The following CC2D2B variants were observed in gnomAD, a reference collection of about 807,000 sequenced individuals.
CC2D2B encodes coiled-coil and C2 domain containing 2B.
CC2D2B carries 128 observed loss-of-function variants against 161.2 expected under a neutral mutation model. The ratio of observed to expected loss-of-function variants is 0.79; its 90% CI spans 0.69 to 0.92. The LOEUF is 0.92. Ranked by LOEUF, CC2D2B falls within the 40% of genes least tolerant of loss-of-function variation. CC2D2B has a pLI of 0.00. For synonymous variants in CC2D2B, 391 were observed against 449.8 expected, an observed-to-expected ratio of 0.87 and a Z score of 1.65; for missense variants, 1,173 against 1,375.1, an observed-to-expected ratio of 0.85 and a Z score of 2.32.
upstream of CC2D2B, chr10:95,907,786 G>C (rs960921927): frequency 6.6e-6 from 1 of 152,566 alleles, no homozygotes; most frequent in East Asian, 1.9e-4. Flanking sequence ...ACACGCTCAC[G>C]GGCAGAGGCG....
At position 95,938,712 on chromosome 10, in the gene CC2D2B, G is replaced by T. The variant is rs1320092511; in HGVS notation, c.672+7G>T. 5.6e-6 allele frequency: 4 copies of T among 708,812 alleles called. No individual in the cohort carries two copies. In the East Asian group the frequency reaches 8.1e-5, roughly 14 times the overall value. The allele number at this position is 708,812 out of a possible 1,614,324, so 43.9% of individuals were successfully genotyped here. On this transcript the variant is annotated splice_region_variant and intron_variant, in intron 8 of 34. Coordinates refer to ENST00000646931, the MANE Select transcript of CC2D2B (RefSeq NM_001349008.3). ...CCTGCTTAAACTAGAAGAGGCAAGT[G>T]CACCACCTAACAAGTTAAAACACTG...
rs2141643314 is a variant in CC2D2B at position 95,988,321 on chromosome 10, T to C, written c.2358T>C (p.Asn786=). 1 of 1,226,798 alleles carries C rather than the reference T, an allele frequency of 8.2e-7. No homozygotes were observed. Among genetic ancestry groups the C allele is most frequent in the East Asian group, 3.2e-5 (1 of 31,608 alleles). 76.0% of individuals were successfully genotyped at this position (1,226,798 alleles called of 1,614,324 possible). A position where few individuals can be genotyped will look rare whatever the true frequency, so the allele number is the denominator to read the frequency against. ...ATTCTATTACAGCACAAAGGATTAA[T>C]TCTGCCAATTTTCTGAAAAAGGTAA... ...DVNSITAQRI[N]SANFLKKVRR... is the part of the protein sequence containing the mutation. Residue 786 remains asparagine, a synonymous_variant, in exon 20 of 35, where the codon AAT becomes AAC. Transcript: ENST00000646931.
rs948602178 is a variant in CC2D2B, at chr10:95,938,146, A to T, written c.492A>T (p.Ile164=). 6.5e-7 allele frequency: 1 copy of T among 1,550,112 alleles called. No individual in the cohort carries two copies. The highest frequency in any genetic ancestry group is 8.7e-7 in the Non-Finnish European group (1 of 1,145,830). ...ACTATGAAGATGATCAAGAACAAAT[A>T]AAAAAACAGAAGGCAAATATTTTTG... ...AADYEDDQEQ[I]KKQKANIFVP... The change falls in exon 7 of 35, where the codon ATA becomes ATT. Residue 164 remains isoleucine, a synonymous_variant. Coordinates refer to ENST00000646931, the MANE Select transcript of CC2D2B (RefSeq NM_001349008.3).
At chr10:95,993,942 G>GTATATATA (rs1159212300) in intron 22 of CC2D2B, among the ~76,000 whole-genome samples, 2 of 25,382 alleles carry the variant, frequency 7.9e-5, no homozygotes, top group African/African-American at 1.0e-4. Flanking sequence ...GTGTGTGTGT[G>GTATATATA]TATGTATGTG....
chr10:95,942,898 T>A (rs1564604548), intron 9 of CC2D2B, among the ~76,000 whole-genome samples: 1 of 152,168 alleles, frequency 6.6e-6, no homozygotes, highest in Non-Finnish European at 1.5e-5. Context: ...ATAAAAAGGC[T>A]CAGTTCAAAT....
At chr10:95,938,343 C>A in intron 7 of CC2D2B, 154 bp downstream of exon 7, 1 of 626,046 alleles carries the variant, frequency 1.6e-6, no homozygotes, top group Non-Finnish European at 2.8e-6. Context: ...ATTAAGGGAA[C>A]TGATTAAGAG....
intron 11 of CC2D2B, among the ~76,000 whole-genome samples, 171 bp downstream of exon 11, chr10:95,955,662 CA>C (rs1411997482): frequency 1.3e-5 from 2 of 152,090 alleles, no homozygotes; most frequent in African/African-American, 4.8e-5. Flanking sequence ...AAATATTTCA[CA>C]GGGGTGCCAT....
chr10:95,983,825 T>C lies in CC2D2B; in HGVS notation c.2286+16T>C, dbSNP rs1340245968. 3 of 1,096,380 alleles carry C rather than the reference T, an allele frequency of 2.7e-6. No individual in the cohort carries two copies. The East Asian group carries it at 9.7e-5, about 35-fold the overall frequency. The allele number at this position is 1,096,380 out of a possible 1,614,324, so 67.9% of individuals were successfully genotyped here. A position where few individuals can be genotyped will look rare whatever the true frequency, so the allele number is the denominator to read the frequency against. On this transcript the variant is annotated intron_variant, in intron 19 of 34. Coordinates refer to ENST00000646931, the MANE Select transcript of CC2D2B (RefSeq NM_001349008.3). Reference sequence around the variant, plus strand: ...AGTCTTCCAGGTATTTGGTTTCTATTTGAATATGGCTTATTGTATGATAAA... The same window carrying C: ...AGTCTTCCAGGTATTTGGTTTCTATCTGAATATGGCTTATTGTATGATAAA...
intron 30 of CC2D2B, among the ~76,000 whole-genome samples, chr10:96,016,790 G>C (rs565765556): frequency 6.6e-6 from 1 of 152,088 alleles, no homozygotes; most frequent in African/African-American, 2.4e-5. Context: ...GCGTGATCTC[G>C]CCTCACTACA....
intron 9 of CC2D2B, among the ~76,000 whole-genome samples, chr10:95,945,392 T>A (rs962374479): frequency 1.3e-5 from 2 of 152,202 alleles, no homozygotes; most frequent in African/African-American, 4.8e-5. Flanking sequence ...GTAGATATAA[T>A]AGTTGTATGC....
Position 95,996,135 on chromosome 10 carries a change from T to C in CC2D2B, c.2740-8T>C. ...CAAAATCTAGTCAATGTTTATTATGTGTTTCAGGATACTGTACATCCATTC... is the reference window on the plus strand; with the variant it reads ...CAAAATCTAGTCAATGTTTATTATGCGTTTCAGGATACTGTACATCCATTC... On this transcript the variant is annotated splice_region_variant and splice_polypyrimidine_tract_variant and intron_variant, in intron 23 of 34. Coordinates refer to ENST00000646931, the MANE Select transcript of CC2D2B (RefSeq NM_001349008.3). The C allele has an allele frequency of 1.5e-6, 2 of 1,313,552 alleles. No individual in the cohort carries two copies. Among genetic ancestry groups the C allele is most frequent in the Non-Finnish European group, 2.1e-6 (2 of 963,802 alleles). 81.4% of individuals were successfully genotyped at this position (1,313,552 alleles called of 1,614,324 possible).
intron 7 of CC2D2B, 179 bp from the exon 8 acceptor site, chr10:95,938,390 C>A (rs2075902261): frequency 1.2e-5 from 7 of 608,008 alleles, no homozygotes; most frequent in South Asian, 2.2e-5. Flanking sequence ...CATATATAGG[C>A]ATATGTATTT....
At chr10:95,990,880 C>A (rs2141662968) in intron 20 of CC2D2B, among the ~76,000 whole-genome samples, 2 of 152,278 alleles carry the variant, frequency 1.3e-5, no homozygotes, top group Admixed American at 1.3e-4. Context: ...TGGCTTCCTT[C>A]AAGCACTGAC....
intron 17 of CC2D2B, among the ~76,000 whole-genome samples, chr10:95,975,983 G>C (rs1021132524): frequency 1.3e-5 from 2 of 152,140 alleles, no homozygotes; most frequent in African/African-American, 4.8e-5. Context: ...CTTGGAGTGA[G>C]ATGTTTGTCC....
chr10:95,995,633 C>T (rs772269215), intron 23 of CC2D2B, among the ~76,000 whole-genome samples: 9 of 152,344 alleles, frequency 5.9e-5, no homozygotes, highest in South Asian at 2.1e-4. Context: ...CTCTTTCTAT[C>T]CCATAGGCAT....
chr10:96,025,164 T>TATATATATATAAAAAAAAA (rs2079654940), intron 33 of CC2D2B, among the ~76,000 whole-genome samples: 1 of 7,564 alleles, frequency 1.3e-4, no homozygotes, highest in African/African-American at 6.4e-4. Flanking sequence ...AATATATATA[T>TATATATATATAAAAAAAAA]ATATATATAT....
chr10:95,983,809 G>A lies in CC2D2B; in HGVS notation c.2286G>A (p.Gln762=). The change falls in exon 19 of 35, where the codon CAG becomes CAA. Residue 762 remains glutamine, a splice_region_variant and synonymous_variant. Transcript: ENST00000646931. ...HDTEIPDLVF[Q]EYESQKEKEV... Reference sequence around the variant, plus strand: ...CAGAGATTCCAGATTTAGTCTTCCAGGTATTTGGTTTCTATTTGAATATGG... The same window carrying A: ...CAGAGATTCCAGATTTAGTCTTCCAAGTATTTGGTTTCTATTTGAATATGG... 1 of 1,214,006 alleles carries A rather than the reference G, an allele frequency of 8.2e-7. No individual in the cohort carries two copies. Among genetic ancestry groups the A allele is most frequent in the Non-Finnish European group, 1.0e-6 (1 of 971,564 alleles). The allele number at this position is 1,214,006 out of a possible 1,614,324, so 75.2% of individuals were successfully genotyped here. A position where few individuals can be genotyped will look rare whatever the true frequency, so the allele number is the denominator to read the frequency against.
chr10:96,019,413 G>T, intron 31 of CC2D2B, 76 bp downstream of exon 31: 1 of 1,381,514 alleles, frequency 7.2e-7, no homozygotes, highest in Non-Finnish European at 9.9e-7. Context: ...ATCACCTGGG[G>T]AACTTTAAAT....
At chr10:95,945,258 T>C (rs1425664148) in intron 9 of CC2D2B, among the ~76,000 whole-genome samples, 1 of 152,240 alleles carries the variant, frequency 6.6e-6, no homozygotes, top group African/African-American at 2.4e-5. Flanking sequence ...AGATTTTGTG[T>C]CAGACAAATG....
Sources: allele counts gnomAD v4.1 joint callset (sites outside exome capture counted in the v4.1 genomes callset), GRCh38; gene constraint gnomAD v4.1.1; transcripts MANE v1.5; gene names NCBI Gene and HGNC (gene_info 2026-07-23, HGNC 2026-07-21).